GCSAML: variants seen among roughly 807,000 people sequenced by gnomAD.
GCSAML encodes germinal center-associated signaling and motility-like protein.
Under a neutral mutation model 13.0 loss-of-function variants are expected in GCSAML, and 9 were observed. The observed-to-expected ratio is 0.69, with a 90% CI of 0.42 to 1.21. GCSAML has a LOEUF of 1.21. GCSAML is among the 50% of genes most tolerant of loss of function. The pLI, the probability that GCSAML is intolerant of heterozygous loss-of-function variation, is 0.00. For synonymous variants in GCSAML, 37 were observed against 52.9 expected (o/e 0.70, Z 1.31); for missense variants, 143 against 153.4 (o/e 0.93, Z 0.36).
intron 2 of GCSAML, among the ~76,000 whole-genome samples, chr1:247,559,486 G>A (rs1381996657): frequency 3.3e-5 from 5 of 151,682 alleles, no homozygotes; most frequent in African/African-American, 9.7e-5. Context: ...TTCATCTTCC[G>A]CAGTGTGAGA....
chr1:247,531,559 G>C, intron 2 of GCSAML: 3 of 1,613,032 alleles, frequency 1.9e-6, no homozygotes, highest in Non-Finnish European at 1.7e-6. Context: ...CTAAATTTGC[G>C]CCAGCTTGCC....
At chr1:247,543,942 C>T (rs759029730) in intron 2 of GCSAML, among the ~76,000 whole-genome samples, 8 of 152,088 alleles carry the variant, frequency 5.3e-5, no homozygotes, top group Non-Finnish European at 7.4e-5. Flanking sequence ...TACAAGTGTG[C>T]GTCACCCTGG....
chr1:247,543,933 A>G lies in GCSAML; in HGVS notation c.-147-5112A>G, dbSNP rs1405819202. 2.6e-5 allele frequency among the ~76,000 whole-genome samples: 4 copies of G among 152,282 alleles called. No individual in the cohort carries two copies. The East Asian group carries it at 5.8e-4, about 22-fold the overall frequency. ...GTCTCTGGAGTAGCTGGGACTGACT[A>G]CAAGTGTGCGTCACCCTGGTTTAAC... On this transcript the variant is annotated intron_variant, in intron 2 of 5. Transcript: ENST00000366489.
chr1:247,574,789 C>T lies in GCSAML; in HGVS notation c.*407C>T, dbSNP rs926950630. 1 of 208,316 alleles carries T rather than the reference C, an allele frequency of 4.8e-6. No individual in the cohort carries two copies. Among genetic ancestry groups the T allele is most frequent in the African/African-American group, 2.3e-5 (1 of 42,752 alleles). 12.9% of individuals were successfully genotyped at this position (208,316 alleles called of 1,614,324 possible). A position where few individuals can be genotyped will look rare whatever the true frequency, so the allele number is the denominator to read the frequency against. On this transcript the variant is annotated 3_prime_UTR_variant, in exon 5 of 5. Coordinates refer to ENST00000366488, the MANE Select transcript of GCSAML (RefSeq NM_145278.5). ...ATGATAGGAAGGGAGGTGAGACACA[C>T]CTTGTTATACCCCTTCCCTTTTGGA... is the stretch of plus-strand genomic sequence containing the variant.
chr1:247,563,448 G>A (rs1318217328), intron 2 of GCSAML, 142 bp from the exon 3 acceptor site: 9 of 526,284 alleles, frequency 1.7e-5, no homozygotes, highest in African/African-American at 3.9e-5. Context: ...GCTGGAGTAA[G>A]CAGCCTTTTA....
chr1:247,549,967 A>G (rs1667710244), intron 1 of GCSAML, among the ~76,000 whole-genome samples: 1 of 152,148 alleles, frequency 6.6e-6, no homozygotes. Context: ...ACATTGATAG[A>G]CCCAAGGCAA....
chr1:247,570,122 GTCTA>G (rs1488349444), intron 4 of GCSAML, among the ~76,000 whole-genome samples: 1 of 152,066 alleles, frequency 6.6e-6, no homozygotes, highest in Non-Finnish European at 1.5e-5. Flanking sequence ...CTGGCTAGTG[GTCTA>G]TCTGTTTTGT....
At position 247,574,429 on chromosome 1, in the gene GCSAML, A is replaced by G. The variant is rs1270015276; in HGVS notation, c.*47A>G. ...CCTTCCAGCAATGAAGACAATGCAG[A>G]ATAGCAGACTCTGGCGAAGTTGTTC... On this transcript the variant is annotated 3_prime_UTR_variant, in exon 5 of 5. Coordinates refer to ENST00000366488, the MANE Select transcript of GCSAML (RefSeq NM_145278.5). 65 of 1,599,960 alleles carry G rather than the reference A, an allele frequency of 4.1e-5. No individual in the cohort carries two copies. Among genetic ancestry groups the G allele is most frequent in the Non-Finnish European group, 5.4e-5 (63 of 1,172,116 alleles).
chr1:247,527,690 A>G lies in GCSAML; in HGVS notation c.-148+636A>G, dbSNP rs914672283. ...GAAGCACATAATGTATAGTGATCAG[A>G]TAAGTGTGATTAGAATATCCATCAT... On this transcript the variant is annotated intron_variant, in intron 2 of 5. Transcript: ENST00000366489. The surrounding 1 kb of genome is among the most constrained non-coding windows in gnomAD (Gnocchi z 4.6). 2.6e-5 allele frequency: 4 copies of G among 152,262 alleles called. No homozygotes were observed. Among genetic ancestry groups the G allele is most frequent in the Admixed American group, 6.5e-5 (1 of 15,292 alleles). 9.4% of individuals were successfully genotyped at this position (152,262 alleles called of 1,614,324 possible). A position where few individuals can be genotyped will look rare whatever the true frequency, so the allele number is the denominator to read the frequency against.
intron 2 of GCSAML, among the ~76,000 whole-genome samples, chr1:247,557,740 G>A (rs1230211393): frequency 1.3e-5 from 2 of 152,032 alleles, no homozygotes; most frequent in African/African-American, 2.4e-5. Context: ...CCTTTCTCAC[G>A]CTCCCCCGAC....
At chr1:247,540,053 C>G (rs1480271659) in intron 2 of GCSAML, among the ~76,000 whole-genome samples, 3 of 152,082 alleles carry the variant, frequency 2.0e-5, no homozygotes, top group African/African-American at 7.2e-5. Context: ...TCTGCTGGTT[C>G]CTCTGCCTAG....
At chr1:247,568,314 C>T (rs1198338375) in intron 4 of GCSAML, among the ~76,000 whole-genome samples, 2 of 152,188 alleles carry the variant, frequency 1.3e-5, no homozygotes, top group Admixed American at 6.6e-5. Flanking sequence ...TTAGGTCCTA[C>T]ATTTAAATCT....
At chr1:247,515,653 C>T (rs55802735) in intron 1 of GCSAML, among the ~76,000 whole-genome samples, 20,938 of 152,088 alleles carry the variant, frequency 0.14, 1,748 homozygotes, top group South Asian at 0.19. Context: ...TGGCAGATGG[C>T]GAAGGGGAAG....
At chr1:247,523,700 G>A (rs1558237176) in intron 1 of GCSAML, among the ~76,000 whole-genome samples, 1 of 152,142 alleles carries the variant, frequency 6.6e-6, no homozygotes, top group Non-Finnish European at 1.5e-5. Context: ...TGGTAGAGCA[G>A]AACATAGTGA....
At chr1:247,521,959 C>T (rs1298206828) in intron 1 of GCSAML, among the ~76,000 whole-genome samples, 5 of 151,776 alleles carry the variant, frequency 3.3e-5, no homozygotes, top group East Asian at 2.0e-4. Flanking sequence ...GGCTGCCCAT[C>T]GTCTGAGATG....
At chr1:247,539,274 T>C (rs1198136968) in intron 2 of GCSAML, among the ~76,000 whole-genome samples, 2 of 152,210 alleles carry the variant, frequency 1.3e-5, no homozygotes, top group Non-Finnish European at 2.9e-5. Context: ...TTCATGGCTC[T>C]TCATAGCACA....
intron 2 of GCSAML, among the ~76,000 whole-genome samples, chr1:247,534,228 A>G (rs1292176517): frequency 1.3e-5 from 2 of 152,172 alleles, no homozygotes; most frequent in African/African-American, 2.4e-5. Context: ...CATAAATTCC[A>G]TGGAGCCATA....
At chr1:247,512,003 G>T (rs191794315) in intron 1 of GCSAML, among the ~76,000 whole-genome samples, 1 of 152,058 alleles carries the variant, frequency 6.6e-6, no homozygotes, top group African/African-American at 2.4e-5. Context: ...CTCTTCTCGC[G>T]GAGTATCTTA....
At chr1:247,561,298 A>G (rs1230584843) in intron 2 of GCSAML, among the ~76,000 whole-genome samples, 1 of 152,226 alleles carries the variant, frequency 6.6e-6, no homozygotes, top group Non-Finnish European at 1.5e-5. Context: ...TTTGGGGGGT[A>G]CATGTGATAT....
Sources: allele counts gnomAD v4.1 joint callset (sites outside exome capture counted in the v4.1 genomes callset), GRCh38; gene constraint gnomAD v4.1.1; non-coding constraint Gnocchi (gnomAD v3.1); transcripts MANE v1.5; gene names NCBI Gene and HGNC (gene_info 2026-07-23, HGNC 2026-07-21).